The following SHANK1 variants were observed in gnomAD, a reference collection of about 807,000 sequenced individuals.
SHANK1 encodes the protein SH3 and multiple ankyrin repeat domains protein 1.
In SHANK1, 35 loss-of-function variants were observed where a neutral mutation model predicts 165.6. The ratio of observed to expected loss-of-function variants is 0.21; its 90% CI spans 0.16 to 0.28. SHANK1 has a LOEUF of 0.28. SHANK1 is among the 10% of genes least tolerant of loss of function. SHANK1 has a pLI of 1.00. For synonymous variants in SHANK1, 1,428 were observed against 1,384.8 expected, an observed-to-expected ratio of 1.03 and a Z score of -0.69; for missense variants, 2,681 against 3,036.4, an observed-to-expected ratio of 0.88 and a Z score of 2.75.
Position 50,686,038 on chromosome 19 carries a change from G to A in SHANK1, c.2577+199C>T, listed in dbSNP as rs569881176. On this transcript the variant is annotated intron_variant, in intron 21 of 23. Coordinates refer to ENST00000293441, the MANE Select transcript of SHANK1 (RefSeq NM_016148.5). This position sits in a 1 kb window ranked among gnomAD's most constrained non-coding sequence, Gnocchi z 5.7. The stretch of plus-strand genomic sequence containing the variant: ...GTGGAGAGAGAAAAGGACAGAGATG[G>A]GATTTGAGGGAAAGGGGATAAGGAG... 4.6e-5 allele frequency among the ~76,000 whole-genome samples: 6 copies of A among 130,852 alleles called. No individual in the cohort carries two copies. In the East Asian group the frequency reaches 1.2e-3, roughly 26 times the overall value. 85.8% of individuals were successfully genotyped at this position (130,852 alleles called of 152,430 possible). A position where few individuals can be genotyped will look rare whatever the true frequency, so the allele number is the denominator to read the frequency against.
chr19:50,702,479 C>T lies in SHANK1; in HGVS notation c.1735G>A (p.Glu579Lys), dbSNP rs2123173059. ...CCACCCTGGGTACCTTTGATCTTCT[C>T]GCCCTTGCTCAGGGAGATCTCCCCC... ...AEGEISLSKGEKIKVLSIGEG... is the reference protein window; with the variant it reads ...AEGEISLSKGKKIKVLSIGEG... The change falls in exon 12 of 24, where the codon GAG (glutamate) becomes AAG (lysine). Residue 579 changes from glutamate (E) to lysine (K), a missense_variant. Physicochemically the swap from Glu to Lys is moderately conservative, Grantham distance 56. Around this residue, in one of 10 missense-constraint regions of SHANK1, gnomAD observed 147 missense variants for 256.5 expected, o/e 0.57. Coordinates refer to ENST00000293441, the MANE Select transcript of SHANK1 (RefSeq NM_016148.5). This position sits in a 1 kb window ranked among gnomAD's most constrained non-coding sequence, Gnocchi z 5.3. 1.9e-6 allele frequency: 3 copies of T among 1,611,688 alleles called. No individual in the cohort carries two copies. Among genetic ancestry groups the T allele is most frequent in the East Asian group, 2.2e-5 (1 of 44,854 alleles).
chr19:50,669,852 T>C (rs1233515892), intron 22 of SHANK1, among the ~76,000 whole-genome samples: 1 of 151,802 alleles, frequency 6.6e-6, no homozygotes, highest in African/African-American at 2.4e-5. Context: ...CTGGTGGACT[T>C]TGAACGCCAG....
rs897797027 is a variant in SHANK1 at position 50,717,376 on chromosome 19, T to A, written c.-43-414A>T. ...CAAACTGACAGGCATCCTGCCCTCC[T>A]GGCCCCAGCCTGGCCCCTCATCCCA... On this transcript the variant is annotated intron_variant, in intron 1 of 23. Transcript: ENST00000293441. This position sits in a 1 kb window ranked among gnomAD's most constrained non-coding sequence, Gnocchi z 5.5. Among the ~76,000 whole-genome samples, 1 of 152,194 alleles carries A rather than the reference T, an allele frequency of 6.6e-6. No individual in the cohort carries two copies. The highest frequency in any genetic ancestry group is 2.4e-5 in the African/African-American group (1 of 41,456).
At chr19:50,692,472 T>TATATATATATATATATATATATACACAC (rs1037995388) in intron 15 of SHANK1, among the ~76,000 whole-genome samples, 1 of 145,330 alleles carries the variant, frequency 6.9e-6, no homozygotes, top group African/African-American at 2.6e-5. Context: ...TATATATATA[T>TATATATATATATATATATATATACACAC]ACACACACAC....
intron 8 of SHANK1, 62 bp downstream of exon 8, chr19:50,711,309 G>A: frequency 9.2e-7 from 1 of 1,088,018 alleles, no homozygotes; most frequent in Non-Finnish European, 1.4e-6. Context: ...GTCTGAGCTT[G>A]GCCCTGGGGG....
At chr19:50,695,269 G>A (rs1220468584) in intron 15 of SHANK1, among the ~76,000 whole-genome samples, 1 of 145,440 alleles carries the variant, frequency 6.9e-6, no homozygotes, top group African/African-American at 2.5e-5. Context: ...GGGGGCGCGG[G>A]GCGCGGGGTC....
rs894843835 is a variant in SHANK1 at position 50,702,853 on chromosome 19, C to T, written c.1554-193G>A. ...GCCCGCAGCTGCCCCAACCAGCCCCCTCTCCTGCCTCCTGGCTTCCGGCTC... is the reference window on the plus strand; with the variant it reads ...GCCCGCAGCTGCCCCAACCAGCCCCTTCTCCTGCCTCCTGGCTTCCGGCTC... On this transcript the variant is annotated intron_variant, in intron 11 of 23. Coordinates refer to ENST00000293441, the MANE Select transcript of SHANK1 (RefSeq NM_016148.5). The surrounding 1 kb of genome is among the most constrained non-coding windows in gnomAD (Gnocchi z 5.3). Among the ~76,000 whole-genome samples the T allele has an allele frequency of 6.6e-6, 1 of 152,110 alleles. No individual in the cohort carries two copies. Among genetic ancestry groups the T allele is most frequent in the Admixed American group, 6.5e-5 (1 of 15,290 alleles).
chr19:50,699,304 A>T (rs1056646625), intron 12 of SHANK1, among the ~76,000 whole-genome samples: 7 of 152,214 alleles, frequency 4.6e-5, no homozygotes, highest in African/African-American at 1.7e-4. Context: ...TGTTGAATAT[A>T]ATCAATGTTG....
intron 11 of SHANK1, among the ~76,000 whole-genome samples, chr19:50,703,059 C>A (rs576570657): frequency 2.7e-4 from 41 of 152,244 alleles, no homozygotes; most frequent in African/African-American, 8.2e-4. Context: ...GCCTGGCTGG[C>A]CTTCGCCTCC....
chr19:50,670,683 G>T lies in SHANK1; in HGVS notation c.2674+1335C>A, dbSNP rs979127168. Among the ~76,000 whole-genome samples the T allele has an allele frequency of 6.6e-6, 1 of 152,148 alleles. No individual in the cohort carries two copies. Among genetic ancestry groups the T allele is most frequent in the Non-Finnish European group, 1.5e-5 (1 of 68,042 alleles). ...CAGGCCTCCTCCCTGTTCTGTAAAC[G>T]CACCAGACTCAGCCCGACCTCAGGA... On this transcript the variant is annotated intron_variant, in intron 22 of 23. Coordinates refer to ENST00000293441, the MANE Select transcript of SHANK1 (RefSeq NM_016148.5). The surrounding 1 kb of genome is among the most constrained non-coding windows in gnomAD (Gnocchi z 4.1).
Position 50,661,851 on chromosome 19 carries a change from GCAGTTTGAA to G in SHANK1, c.*105_*113del. The G allele has an allele frequency of 8.3e-7, 1 of 1,203,744 alleles. No individual in the cohort carries two copies. The highest frequency in any genetic ancestry group is 1.3e-5 in the South Asian group (1 of 74,328). 74.6% of individuals were successfully genotyped at this position (1,203,744 alleles called of 1,614,324 possible). A position where few individuals can be genotyped will look rare whatever the true frequency, so the allele number is the denominator to read the frequency against. On this transcript the variant is annotated 3_prime_UTR_variant, in exon 24 of 24. Coordinates refer to ENST00000293441, the MANE Select transcript of SHANK1 (RefSeq NM_016148.5). The stretch of plus-strand genomic sequence containing the variant: ...TGGCCTTGGGAGATGAGGGCAGGGC[GCAGTTTGAA>G]CAGAGTCCCTGGCCCGGGGAGAGAA...
intron 21 of SHANK1, among the ~76,000 whole-genome samples, chr19:50,685,297 C>T (rs1986297294): frequency 2.0e-5 from 3 of 152,198 alleles, no homozygotes; most frequent in Admixed American, 2.0e-4. Context: ...GTGGCAGGAC[C>T]ATGGGTTCAG....
At chr19:50,696,122 C>G (rs1986730979) in intron 15 of SHANK1, among the ~76,000 whole-genome samples, 1 of 152,148 alleles carries the variant, frequency 6.6e-6, no homozygotes. Flanking sequence ...ATTGACAAGA[C>G]AGAGTAGAAG....
chr19:50,695,776 C>G (rs1272478886), intron 15 of SHANK1, among the ~76,000 whole-genome samples: 1 of 152,078 alleles, frequency 6.6e-6, no homozygotes, highest in Non-Finnish European at 1.5e-5. Context: ...AGACTGGGCC[C>G]CAAGGCCATG....
intron 12 of SHANK1, among the ~76,000 whole-genome samples, chr19:50,700,722 G>A (rs1986890553): frequency 6.6e-6 from 1 of 152,050 alleles, no homozygotes; most frequent in African/African-American, 2.4e-5. Context: ...GAAGCATTGA[G>A]CTTGTAGCTC....
Position 50,688,154 on chromosome 19 carries a change from T to A in SHANK1, c.2173-96A>T. 1 of 1,434,852 alleles carries A rather than the reference T, an allele frequency of 7.0e-7. No individual in the cohort carries two copies. The highest frequency in any genetic ancestry group is 9.6e-7 in the Non-Finnish European group (1 of 1,040,008). 88.9% of individuals were successfully genotyped at this position (1,434,852 alleles called of 1,614,324 possible). On this transcript the variant is annotated intron_variant, in intron 17 of 23. Transcript: ENST00000293441. The surrounding 1 kb of genome is among the most constrained non-coding windows in gnomAD (Gnocchi z 6.7). ...AAGGAGGATGCCTCCTGCGCTGCCCTGTCCATGGCCCTCTGGGCTATGTTC... is the reference window on the plus strand; with the variant it reads ...AAGGAGGATGCCTCCTGCGCTGCCCAGTCCATGGCCCTCTGGGCTATGTTC...
In SHANK1 at chr19:50,667,047, G is replaced by GC; in HGVS notation, c.4912dup (p.Ala1638GlyfsTer48). On this transcript the variant is annotated frameshift_variant, in exon 23 of 24. Transcript: ENST00000293441. LOFTEE classifies it high-confidence loss of function. This position sits in a 1 kb window ranked among gnomAD's most constrained non-coding sequence, Gnocchi z 5.7. The stretch of plus-strand genomic sequence containing the variant: ...ATGGGGGTCCCCAGGAGCGGCGGAG[G>GC]CCCCCTGGGTCAGGGTGGCCACCTC... 1 of 1,547,920 alleles carries GC rather than the reference G, an allele frequency of 6.5e-7. No individual in the cohort carries two copies. Among genetic ancestry groups the GC allele is most frequent in the Non-Finnish European group, 8.7e-7 (1 of 1,151,134 alleles).
intron 15 of SHANK1, among the ~76,000 whole-genome samples, chr19:50,694,019 CCA>C (rs398034977): frequency 0.14 from 20,002 of 138,408 alleles, 1,345 homozygotes; most frequent in African/African-American, 0.17. Flanking sequence ...CCAGCACACA[CCA>C]CACACACACA....
rs556892304 is a variant in SHANK1, at chr19:50,706,173, G to C, written c.1078-1659C>G. 2.5e-3 allele frequency among the ~76,000 whole-genome samples: 347 copies of C among 139,028 alleles called. 1 individual carries two copies. Among genetic ancestry groups the C allele is most frequent in the African/African-American group, 8.4e-3 (312 of 37,160 alleles). The allele number at this position is 139,028 out of a possible 152,430, so 91.2% of individuals were successfully genotyped here. On this transcript the variant is annotated intron_variant, in intron 8 of 23. Transcript: ENST00000293441. ...GACCCTGTCTCAAAAAAAAGGGGGGGTTGGGGGGGCTCAAGGTCACACAGC... is the reference window on the plus strand; with the variant it reads ...GACCCTGTCTCAAAAAAAAGGGGGGCTTGGGGGGGCTCAAGGTCACACAGC...
Sources: gnomAD v4.1 joint callset for allele counts (sites outside exome capture counted in the v4.1 genomes callset) on GRCh38, gnomAD v4.1.1 for gene constraint, gnomAD v4.1.1 regional missense constraint, Gnocchi (gnomAD v3.1) non-coding constraint, MANE v1.5 for transcripts, NCBI Gene and HGNC (gene_info 2026-07-23, HGNC 2026-07-21) for gene names.